Variants in HDAC8 observed in about 807,000 individuals in gnomAD.
HDAC8 encodes histone deacetylase-like 1.
In HDAC8, 1 loss-of-function variant was observed where a neutral mutation model predicts 32.2. The observed-to-expected ratio is 0.03, with a 90% confidence interval of 0.01 to 0.15. HDAC8 has a LOEUF of 0.15. HDAC8 is among the 10% of genes least tolerant of loss of function. HDAC8 has a pLI of 1.00. For missense variants in HDAC8, 117 were observed against 300.0 expected, an observed-to-expected ratio of 0.39 and a Z score of 4.51; for synonymous variants, 108 against 113.9, an observed-to-expected ratio of 0.95 and a Z score of 0.33.
intron 9 of HDAC8, among the ~76,000 whole-genome samples, chrX:72,458,780 G>A (rs1021704695): frequency 1.8e-4 from 20 of 111,784 alleles, no homozygotes; most frequent in South Asian, 1.1e-3. Flanking sequence ...ACAGGTCTGC[G>A]TTTCTCAAGT....
chrX:72,403,641 A>G (rs782094513), intron 9 of HDAC8, among the ~76,000 whole-genome samples: 1 of 111,940 alleles, frequency 8.9e-6, no homozygotes, highest in East Asian at 2.8e-4. Context: ...AGCCTGGCAA[A>G]TATGGTGAAA....
At chrX:72,430,972 C>G (rs192124625) in intron 9 of HDAC8, among the ~76,000 whole-genome samples, 141 of 111,987 alleles carry the variant, frequency 1.3e-3, no homozygotes, top group Non-Finnish European at 2.0e-3. Flanking sequence ...ACTTCGCTGC[C>G]TCTATTGTCT....
intron 3 of HDAC8, among the ~76,000 whole-genome samples, chrX:72,568,471 A>T (rs188326373): frequency 8.9e-6 from 1 of 112,639 alleles, no homozygotes; most frequent in Non-Finnish European, 1.9e-5. Flanking sequence ...CAGTTAAAAT[A>T]TAAGGTCACA....
intron 4 of HDAC8, among the ~76,000 whole-genome samples, chrX:72,537,321 A>G (rs998555929): frequency 2.7e-5 from 3 of 112,069 alleles, no homozygotes; most frequent in Non-Finnish European, 3.8e-5. Context: ...ATGAGGTGGA[A>G]AGATCCTTTA....
At chrX:72,558,579 C>T (rs965573525) in intron 4 of HDAC8, among the ~76,000 whole-genome samples, 6 of 111,556 alleles carry the variant, frequency 5.4e-5, no homozygotes, top group Non-Finnish European at 1.1e-4. Flanking sequence ...ATAGGAGGGA[C>T]GTACCTTAAG....
At chrX:72,568,434 A>C (rs1387375386) in intron 3 of HDAC8, among the ~76,000 whole-genome samples, 1 of 112,155 alleles carries the variant, frequency 8.9e-6, no homozygotes, top group African/African-American at 3.2e-5. Flanking sequence ...AGGTACAAAA[A>C]CTTAGCCAGA....
intron 9 of HDAC8, among the ~76,000 whole-genome samples, chrX:72,443,143 C>A (rs1345326787): frequency 9.0e-6 from 1 of 110,836 alleles, no homozygotes; most frequent in Non-Finnish European, 1.9e-5. Context: ...AGAAAGTTAA[C>A]AAGGATACCC....
chrX:72,530,841 C>T (rs2050313851), intron 4 of HDAC8, among the ~76,000 whole-genome samples: 1 of 111,861 alleles, frequency 8.9e-6, no homozygotes, highest in Non-Finnish European at 1.9e-5. Context: ...GGCAGAAGAC[C>T]GAAAAACTAA....
intron 7 of HDAC8, among the ~76,000 whole-genome samples, chrX:72,469,586 C>A (rs782453117): frequency 4.7e-4 from 53 of 112,154 alleles, no homozygotes; most frequent in African/African-American, 1.7e-3. Context: ...GTCCTTAAAC[C>A]CTTGGATGAA....
intron 2 of HDAC8, among the ~76,000 whole-genome samples, chrX:72,571,059 G>A (rs1488084699): frequency 1.8e-5 from 2 of 111,643 alleles, no homozygotes; most frequent in African/African-American, 6.5e-5. Flanking sequence ...CGAGTAGCTG[G>A]GACTACAGGC....
rs782590942 is a variant in HDAC8 at position 72,535,265 on chromosome X, G to C, written c.437+32624C>G. On this transcript the variant is annotated intron_variant, in intron 4 of 10. Transcript: ENST00000373573. Reference sequence around the variant, plus strand: ...TGTTTAAGGGCAGAAATGGTTACAGGAGATCAGCAGGGGAGGAAAATTCAA... The same window carrying C: ...TGTTTAAGGGCAGAAATGGTTACAGCAGATCAGCAGGGGAGGAAAATTCAA... Among the ~76,000 whole-genome samples the C allele has an allele frequency of 2.7e-5, 3 of 111,944 alleles. No homozygotes were observed. The South Asian group carries it at 1.1e-3, about 42-fold the overall frequency.
chrX:72,572,014 C>G, intron 2 of HDAC8, 43 bp downstream of exon 2: 1 of 1,092,193 alleles, frequency 9.2e-7, no homozygotes, highest in Non-Finnish European at 1.2e-6. Context: ...ATTAAGGCTA[C>G]GAACACCTAG....
intron 4 of HDAC8, among the ~76,000 whole-genome samples, chrX:72,515,655 A>G (rs1170766439): frequency 9.1e-6 from 1 of 110,142 alleles, no homozygotes; most frequent in East Asian, 2.9e-4. Context: ...CAAATAAGAA[A>G]ACAGCCCTAT....
chrX:72,476,513 C>A (rs192858453), intron 7 of HDAC8, among the ~76,000 whole-genome samples: 25 of 111,496 alleles, frequency 2.2e-4, no homozygotes, highest in Non-Finnish European at 2.1e-4. Context: ...CATCATTTGA[C>A]CAAATGTCTC....
intron 9 of HDAC8, among the ~76,000 whole-genome samples, chrX:72,381,527 G>A (rs149797248): frequency 1.7e-3 from 192 of 111,804 alleles, no homozygotes; most frequent in African/African-American, 5.9e-3. Flanking sequence ...GTGGCAACCA[G>A]GCACTGGATT....
rs5958782 is a variant in HDAC8 at position 72,344,029 on chromosome X, A to G, written c.1111+7704T>C. Among the ~76,000 whole-genome samples, 896 of 111,764 alleles carry G rather than the reference A, an allele frequency of 8.0e-3. 8 individuals carry two copies. Among genetic ancestry groups the G allele is most frequent in the African/African-American group, 0.028 (851 of 30,788 alleles). On this transcript the variant is annotated intron_variant, in intron 10 of 10. Coordinates refer to ENST00000373573, the MANE Select transcript of HDAC8 (RefSeq NM_018486.3). ...GGAGCAATAAAAAGGTGCCGCTCCC[A>G]TTTTTGGCCAGAGTGGTATCAGTGG...
intron 4 of HDAC8, among the ~76,000 whole-genome samples, chrX:72,534,978 T>C (rs1363281829): frequency 8.9e-6 from 1 of 112,097 alleles, no homozygotes; most frequent in Non-Finnish European, 1.9e-5. Flanking sequence ...TAAATTTCCA[T>C]GGTTGTTGGC....
chrX:72,486,494 C>A, intron 7 of HDAC8, among the ~76,000 whole-genome samples: 1 of 112,188 alleles, frequency 8.9e-6, no homozygotes, highest in Non-Finnish European at 1.9e-5. Context: ...TGAAGCTACA[C>A]CTCATCTCTA....
intron 9 of HDAC8, among the ~76,000 whole-genome samples, chrX:72,453,075 T>G (rs1340037823): frequency 9.8e-6 from 1 of 102,213 alleles, no homozygotes; most frequent in African/African-American, 3.6e-5. Flanking sequence ...TACTGCAGAA[T>G]AAAAGATCAA....
Sources: gnomAD v4.1 joint callset for allele counts (sites outside exome capture counted in the v4.1 genomes callset) on GRCh38, gnomAD v4.1.1 for gene constraint, MANE v1.5 for transcripts, NCBI Gene and HGNC (gene_info 2026-07-23, HGNC 2026-07-21) for gene names.